Variants in MAML2 observed in about 807,000 individuals in gnomAD.
The protein encoded by MAML2 is mastermind-like protein 2.
In MAML2, 22 loss-of-function variants were observed where a neutral mutation model predicts 96.1. The ratio of observed to expected loss-of-function variants is 0.23; its 90% confidence interval spans 0.16 to 0.33. The LOEUF is 0.33. Among genes scored for constraint, MAML2 ranks in the 10% least tolerant of loss-of-function variants. MAML2 has a pLI of 1.00. For missense variants in MAML2, 1,367 were observed against 1,392.4 expected (o/e 0.98, Z 0.29); for synonymous variants, 561 against 521.3 (o/e 1.08, Z -1.04).
intron 1 of MAML2, among the ~76,000 whole-genome samples, chr11:96,152,996 A>G (rs773971839): frequency 2.0e-5 from 3 of 152,202 alleles, no homozygotes; most frequent in Non-Finnish European, 4.4e-5. Flanking sequence ...ACATTTCTAC[A>G]GCCAGAATGC....
At chr11:96,012,204 T>C (rs1350642217) in intron 2 of MAML2, among the ~76,000 whole-genome samples, 2 of 152,198 alleles carry the variant, frequency 1.3e-5, no homozygotes, top group Non-Finnish European at 2.9e-5. Flanking sequence ...TGAGAGCATT[T>C]TCATTCAAGT....
intron 1 of MAML2, among the ~76,000 whole-genome samples, chr11:96,153,749 A>C (rs1198095696): frequency 4.6e-5 from 7 of 151,990 alleles, no homozygotes; most frequent in Admixed American, 4.6e-4. Context: ...ATCTCTACTA[A>C]AAATACAAAA....
chr11:96,175,318 CAT>C (rs1337227585), intron 1 of MAML2, among the ~76,000 whole-genome samples: 2 of 152,284 alleles, frequency 1.3e-5, no homozygotes, highest in East Asian at 3.9e-4. Context: ...ATTTTAAAAA[CAT>C]ATCTCAAATG....
intron 2 of MAML2, among the ~76,000 whole-genome samples, chr11:96,020,635 C>G (rs566045961): frequency 6.6e-6 from 1 of 152,310 alleles, no homozygotes; most frequent in South Asian, 2.1e-4. Context: ...CTGATGAGAG[C>G]TAGGTGACTG....
chr11:96,210,494 T>C (rs1861955112), intron 1 of MAML2, among the ~76,000 whole-genome samples: 1 of 152,214 alleles, frequency 6.6e-6, no homozygotes, highest in African/African-American at 2.4e-5. Flanking sequence ...AGTATAGAAT[T>C]GAGATACCTA....
At chr11:96,250,370 C>T (rs1237463478) in intron 1 of MAML2, among the ~76,000 whole-genome samples, 2 of 152,044 alleles carry the variant, frequency 1.3e-5, no homozygotes, top group African/African-American at 4.8e-5. Flanking sequence ...ATTAGCACAT[C>T]CATCATTTCA....
At chr11:96,076,444 A>T (rs201297332) in intron 2 of MAML2, among the ~76,000 whole-genome samples, 9,165 of 76,412 alleles carry the variant, frequency 0.12, 741 homozygotes, top group African/African-American at 0.24. Context: ...ACACACACAC[A>T]CACACACACA....
At chr11:96,227,398 T>C (rs887978917) in intron 1 of MAML2, among the ~76,000 whole-genome samples, 7 of 152,240 alleles carry the variant, frequency 4.6e-5, no homozygotes, top group Middle Eastern at 3.2e-3. Context: ...TTCACAGCTA[T>C]ACTGTAAGTT....
intron 1 of MAML2, among the ~76,000 whole-genome samples, chr11:96,116,678 T>C: frequency 6.6e-6 from 1 of 152,222 alleles, no homozygotes; most frequent in East Asian, 1.9e-4. Flanking sequence ...TCCAAAGTGC[T>C]TCTACTAAAC....
At chr11:96,117,887 C>T (rs934246946) in intron 1 of MAML2, among the ~76,000 whole-genome samples, 1 of 152,136 alleles carries the variant, frequency 6.6e-6, no homozygotes, top group African/African-American at 2.4e-5. Context: ...TCCAAACTAT[C>T]CCAGAAAGAC....
At chr11:96,105,123 T>C (rs957643723) in intron 1 of MAML2, among the ~76,000 whole-genome samples, 3 of 152,256 alleles carry the variant, frequency 2.0e-5, no homozygotes, top group Non-Finnish European at 4.4e-5. Flanking sequence ...GTTGAAATGC[T>C]GGAAAGAGGC....
intron 1 of MAML2, among the ~76,000 whole-genome samples, chr11:96,177,681 G>C (rs1861408382): frequency 6.6e-6 from 1 of 152,126 alleles, no homozygotes; most frequent in Non-Finnish European, 1.5e-5. Context: ...AAATACCTTT[G>C]TGTCTGACCT....
intron 1 of MAML2, among the ~76,000 whole-genome samples, chr11:96,155,247 G>C (rs1435627675): frequency 6.6e-6 from 1 of 151,938 alleles, no homozygotes; most frequent in African/African-American, 2.4e-5. Flanking sequence ...CAAACTTCAA[G>C]AAAGGATAGT....
intron 1 of MAML2, among the ~76,000 whole-genome samples, chr11:96,221,836 G>A (rs980402107): frequency 6.6e-6 from 1 of 151,980 alleles, no homozygotes; most frequent in African/African-American, 2.4e-5. Flanking sequence ...AGAAGAACAA[G>A]GTCAGCACAC....
chr11:96,296,353 TAAG>T (rs1272053116), intron 1 of MAML2, among the ~76,000 whole-genome samples: 4 of 151,982 alleles, frequency 2.6e-5, no homozygotes, highest in African/African-American at 9.7e-5. Context: ...AGAATAAAAA[TAAG>T]AAGGGAGGCC....
chr11:96,030,946 G>T (rs1858604505), intron 2 of MAML2, among the ~76,000 whole-genome samples: 2 of 152,154 alleles, frequency 1.3e-5, no homozygotes, highest in Non-Finnish European at 2.9e-5. Flanking sequence ...AAGGATTCAT[G>T]CATTCTCTCT....
chr11:96,318,380 GTTAA>G (rs1863658920), intron 1 of MAML2, among the ~76,000 whole-genome samples: 1 of 152,152 alleles, frequency 6.6e-6, no homozygotes, highest in Non-Finnish European at 1.5e-5. Flanking sequence ...TATTTCTTAA[GTTAA>G]TATACTTTAC....
At chr11:96,242,466 G>A (rs561122) in intron 1 of MAML2, among the ~76,000 whole-genome samples, 137,484 of 152,250 alleles carry the variant, frequency 0.9, 62,177 homozygotes, top group Middle Eastern at 0.95. Flanking sequence ...AAATAAACCA[G>A]ATTCAGTAAG....
chr11:96,223,580 T>C (rs190039608), intron 1 of MAML2, among the ~76,000 whole-genome samples: 1 of 152,252 alleles, frequency 6.6e-6, no homozygotes, highest in Admixed American at 6.5e-5. Context: ...TCATTTTTTT[T>C]AACTTTTATT....
Sources: gnomAD v4.1 joint callset for allele counts (sites outside exome capture counted in the v4.1 genomes callset) on GRCh38, gnomAD v4.1.1 for gene constraint, MANE v1.5 for transcripts, NCBI Gene and HGNC (gene_info 2026-07-23, HGNC 2026-07-21) for gene names.